TBX15: variants seen among roughly 807,000 people sequenced by gnomAD.
The protein encoded by TBX15 is T-box transcription factor TBX15.
In TBX15, 18 loss-of-function variants were observed where a neutral mutation model predicts 53.9. The ratio of observed to expected loss-of-function variants is 0.33; its 90% CI spans 0.23 to 0.49. TBX15 has a LOEUF of 0.49. TBX15 is among the 20% of genes least tolerant of loss of function. The pLI, the probability that TBX15 is intolerant of heterozygous loss-of-function variation, is 0.98. For synonymous variants in TBX15, 295 were observed against 278.0 expected (o/e 1.06, Z -0.61); for missense variants, 692 against 749.5 (o/e 0.92, Z 0.90).
chr1:118,889,434 G>C (rs945863947), intron 7 of TBX15, among the ~76,000 whole-genome samples: 18 of 152,218 alleles, frequency 1.2e-4, no homozygotes, highest in African/African-American at 4.3e-4. Flanking sequence ...CTAGGGCAGG[G>C]TGGGACACCA....
intron 6 of TBX15, among the ~76,000 whole-genome samples, chr1:118,908,758 T>C (rs1654925290): frequency 6.6e-6 from 1 of 151,724 alleles, no homozygotes; most frequent in Non-Finnish European, 1.5e-5. Context: ...TCTCTCTCTC[T>C]CTCTCACACA....
At chr1:118,915,301 C>A (rs1480318689) in intron 5 of TBX15, among the ~76,000 whole-genome samples, 1 of 152,196 alleles carries the variant, frequency 6.6e-6, no homozygotes, top group African/African-American at 2.4e-5. Flanking sequence ...ACTAGGACAG[C>A]TAAAGTTGTT....
intron 7 of TBX15, among the ~76,000 whole-genome samples, chr1:118,891,546 T>G (rs1272329993): frequency 6.6e-6 from 1 of 152,120 alleles, no homozygotes; most frequent in Non-Finnish European, 1.5e-5. Context: ...GGCATGTGAC[T>G]CAGGCCTGGA....
intron 2 of TBX15, among the ~76,000 whole-genome samples, chr1:118,928,307 T>A (rs973490343): frequency 2.0e-5 from 3 of 152,340 alleles, no homozygotes; most frequent in African/African-American, 7.2e-5. Flanking sequence ...ACCTTATTAC[T>A]CTTCAGAAGC....
rs759801739 is a variant in TBX15 at position 118,884,899 on chromosome 1, A to C, written c.1642T>G (p.Ser548Ala). ...SQSTLLCSSPSNGAFGERQYL... is the reference protein window; with the variant it reads ...SQSTLLCSSPANGAFGERQYL... ...TGCCTCTCTCCAAAGGCCCCGTTGG[A>C]AGGAGAAGAACAGAGTAAAGTGCTT... Residue 548 changes from serine to alanine, a missense_variant, in exon 8 of 8, where the codon TCC becomes GCC. Physicochemically the swap from Ser to Ala is moderately conservative, Grantham distance 99. Around this residue, in one of 3 missense-constraint regions of TBX15, gnomAD observed 375 missense variants for 371.6 expected, o/e 1.01. Coordinates refer to ENST00000369429, the MANE Select transcript of TBX15 (RefSeq NM_001330677.2). The C allele has an allele frequency of 1.1e-5, 18 of 1,614,080 alleles. No homozygotes were observed. Among genetic ancestry groups the C allele is most frequent in the Non-Finnish European group, 2.5e-6 (3 of 1,180,034 alleles).
chr1:118,960,236 A>C (rs1460662777), intron 1 of TBX15, among the ~76,000 whole-genome samples: 1 of 152,072 alleles, frequency 6.6e-6, no homozygotes, highest in African/African-American at 2.4e-5. Context: ...GTGACTTTCC[A>C]ACTAAGTACA....
chr1:118,923,562 A>G lies in TBX15; in HGVS notation c.735T>C (p.His245=), dbSNP rs1655498179. 2 of 1,614,048 alleles carry G rather than the reference A, an allele frequency of 1.2e-6. No individual in the cohort carries two copies. Among genetic ancestry groups the G allele is most frequent in the Admixed American group, 1.7e-5 (1 of 60,008 alleles). Residue 245 remains histidine (H), a synonymous_variant, in exon 5 of 8, where the codon CAT becomes CAC. Transcript: ENST00000369429. ...CACTGCTGAAGTCTTTGCGAATCAC[A>G]TGAACTCGAGGCTGGTATTTGTGCA... ...HSMHKYQPRV[H]VIRKDFSSDL... is the part of the protein sequence containing the mutation.
chr1:118,893,808 C>T (rs558191609), intron 7 of TBX15, among the ~76,000 whole-genome samples: 1 of 152,108 alleles, frequency 6.6e-6, no homozygotes, highest in African/African-American at 2.4e-5. Flanking sequence ...ACATTAGTCC[C>T]TATGATACAG....
At chr1:118,977,377 C>A (rs973662023) in intron 1 of TBX15, among the ~76,000 whole-genome samples, 5 of 152,116 alleles carry the variant, frequency 3.3e-5, no homozygotes, top group African/African-American at 1.2e-4. Context: ...TTGTTCTTAT[C>A]GTGTTATCAT....
intron 1 of TBX15, among the ~76,000 whole-genome samples, chr1:118,977,193 A>G (rs1657462257): frequency 6.6e-6 from 1 of 152,222 alleles, no homozygotes; most frequent in South Asian, 2.1e-4. Context: ...TAACCACTAC[A>G]CTGTATAATT....
At chr1:118,958,143 T>G (rs1400658995) in intron 1 of TBX15, among the ~76,000 whole-genome samples, 1 of 152,232 alleles carries the variant, frequency 6.6e-6, no homozygotes, top group Non-Finnish European at 1.5e-5. Flanking sequence ...TGGCAGTTTT[T>G]GGAGACGAGA....
At chr1:118,903,321 T>C (rs1654698255) in intron 6 of TBX15, among the ~76,000 whole-genome samples, 1 of 152,060 alleles carries the variant, frequency 6.6e-6, no homozygotes, top group Non-Finnish European at 1.5e-5. Context: ...TTTGGAAAAA[T>C]AGTCAGACTA....
At chr1:118,972,155 T>A (rs1197882739) in intron 1 of TBX15, among the ~76,000 whole-genome samples, 3 of 152,080 alleles carry the variant, frequency 2.0e-5, no homozygotes, top group African/African-American at 7.2e-5. Context: ...CAAAAAGACA[T>A]CCCTAAAAGA....
At chr1:118,904,054 G>T (rs919932863) in intron 6 of TBX15, among the ~76,000 whole-genome samples, 1 of 152,152 alleles carries the variant, frequency 6.6e-6, no homozygotes, top group Admixed American at 6.5e-5. Context: ...AGACTTGGAG[G>T]TATGCAAGAG....
chr1:118,961,504 C>T (rs1457622946), intron 1 of TBX15, among the ~76,000 whole-genome samples: 2 of 152,110 alleles, frequency 1.3e-5, no homozygotes, highest in Non-Finnish European at 2.9e-5. Context: ...CAGAAGAATG[C>T]CCCATTTACT....
chr1:118,932,571 T>C (rs941371595), intron 1 of TBX15, among the ~76,000 whole-genome samples: 11 of 152,180 alleles, frequency 7.2e-5, no homozygotes, highest in Admixed American at 3.9e-4. Flanking sequence ...TTGATTGGTT[T>C]CTGAAGTATG....
chr1:118,930,190 C>T (rs541729446), intron 2 of TBX15, among the ~76,000 whole-genome samples: 13 of 152,206 alleles, frequency 8.5e-5, no homozygotes, highest in Middle Eastern at 3.4e-3. Context: ...CTTATATACA[C>T]GTAGATAAAC....
chr1:118,921,021 A>T (rs776521668), intron 5 of TBX15, among the ~76,000 whole-genome samples: 1 of 151,192 alleles, frequency 6.6e-6, no homozygotes, highest in Non-Finnish European at 1.5e-5. Context: ...AAAAAAAATC[A>T]AAACAATTAG....
intron 3 of TBX15, 148 bp from the exon 4 acceptor site, chr1:118,924,965 G>T: frequency 1.2e-6 from 1 of 852,424 alleles, no homozygotes. Context: ...GAGACTCAAA[G>T]GAGGAAAAGA....
Sources: gnomAD v4.1 joint callset for allele counts (sites outside exome capture counted in the v4.1 genomes callset) on GRCh38, gnomAD v4.1.1 for gene constraint, gnomAD v4.1.1 regional missense constraint, MANE v1.5 for transcripts, NCBI Gene and HGNC (gene_info 2026-07-23, HGNC 2026-07-21) for gene names.